Variants in TBCEL observed in about 807,000 individuals in gnomAD.
The protein encoded by TBCEL is tubulin folding cofactor E like, also known as tubulin-specific chaperone cofactor E-like protein.
In TBCEL, 15 loss-of-function variants were observed where a neutral mutation model predicts 44.2. The observed-to-expected ratio is 0.34, with a 90% CI of 0.23 to 0.52. The LOEUF is 0.52. Ranked by LOEUF, TBCEL falls within the 20% of genes least tolerant of loss-of-function variation. The probability of loss-of-function intolerance (pLI) is 0.95; values close to 1 mark genes in which losing one functional copy is unlikely to be tolerated. For missense variants in TBCEL, 319 were observed against 506.3 expected (o/e 0.63, Z 3.55); for synonymous variants, 171 against 185.4 (o/e 0.92, Z 0.63).
At chr11:121,068,052 A>T (rs1945853196) in intron 8 of TBCEL, among the ~76,000 whole-genome samples, 1 of 152,048 alleles carries the variant, frequency 6.6e-6, no homozygotes. Flanking sequence ...CATCCCCCAC[A>T]CACTTTTAGC....
rs150438218 is a variant in TBCEL, at chr11:121,048,389, T to TA, written c.273+723dup. Among the ~76,000 whole-genome samples, 1,325 of 152,042 alleles carry TA rather than the reference T, an allele frequency of 8.7e-3. 19 individuals carry two copies. Among genetic ancestry groups the TA allele is most frequent in the African/African-American group, 0.03 (1,246 of 41,520 alleles). Reference sequence around the variant, plus strand: ...CACATAGTTTGTAAAAGTACACAAATACAGTTTTGTAACATTCTCTTATTA... The same window carrying TA: ...CACATAGTTTGTAAAAGTACACAAATAACAGTTTTGTAACATTCTCTTATTA... On this transcript the variant is annotated intron_variant, in intron 4 of 8. Coordinates refer to ENST00000683345, the MANE Select transcript of TBCEL (RefSeq NM_001363644.2).
At chr11:121,054,833 C>CT in intron 5 of TBCEL, 1 of 389,638 alleles carries the variant, frequency 2.6e-6, no homozygotes. Flanking sequence ...TAATTTCGCA[C>CT]TACCTTATAT....
chr11:121,041,115 A>G (rs1945325043), intron 2 of TBCEL, among the ~76,000 whole-genome samples: 1 of 152,160 alleles, frequency 6.6e-6, no homozygotes, highest in South Asian at 2.1e-4. Flanking sequence ...TGACTTGCAT[A>G]CTTATTATAC....
At chr11:121,078,297 A>G (rs1946065610) in intron 8 of TBCEL, among the ~76,000 whole-genome samples, 1 of 152,026 alleles carries the variant, frequency 6.6e-6, no homozygotes, top group South Asian at 2.1e-4. Flanking sequence ...TTTTGTGTAC[A>G]TATCTGTTTT....
At chr11:121,032,619 G>A (rs902711577) in intron 1 of TBCEL, among the ~76,000 whole-genome samples, 6 of 152,098 alleles carry the variant, frequency 3.9e-5, no homozygotes, top group South Asian at 2.1e-4. Flanking sequence ...CAGCTTCCTC[G>A]TGCTTCATGC....
At chr11:121,039,483 A>G (rs545927562) in intron 2 of TBCEL, among the ~76,000 whole-genome samples, 14 of 152,336 alleles carry the variant, frequency 9.2e-5, no homozygotes, top group Middle Eastern at 3.4e-3. Flanking sequence ...AGTGCTTAGC[A>G]TAGTGTTTGG....
chr11:121,052,051 C>T (rs921639736), intron 4 of TBCEL, among the ~76,000 whole-genome samples: 2 of 151,814 alleles, frequency 1.3e-5, no homozygotes, highest in Admixed American at 6.6e-5. Context: ...ACCTATGAAG[C>T]TTCTGATTCA....
At chr11:121,041,249 A>G (rs1186481059) in intron 2 of TBCEL, among the ~76,000 whole-genome samples, 2 of 152,114 alleles carry the variant, frequency 1.3e-5, no homozygotes, top group African/African-American at 4.8e-5. Context: ...ATAAAGTACA[A>G]ATTGTTTGCG....
At chr11:121,053,361 G>A (rs1485846324) in intron 4 of TBCEL, among the ~76,000 whole-genome samples, 190 bp from the exon 5 acceptor site, 2 of 151,840 alleles carry the variant, frequency 1.3e-5, no homozygotes, top group Non-Finnish European at 2.9e-5. Flanking sequence ...TTCATTGAAA[G>A]ATTAAATTAT....
At chr11:121,031,344 A>G (rs1034599700) in intron 1 of TBCEL, among the ~76,000 whole-genome samples, 1 of 152,144 alleles carries the variant, frequency 6.6e-6, no homozygotes, top group Non-Finnish European at 1.5e-5. Context: ...ATTTTCTCCA[A>G]CACTTGGTAT....
chr11:121,053,525 T>C, intron 4 of TBCEL, 26 bp from the exon 5 acceptor site: 1 of 1,607,398 alleles, frequency 6.2e-7, no homozygotes, highest in East Asian at 2.2e-5. Context: ...TACTGCCTGA[T>C]AATGCTTTTC....
intron 8 of TBCEL, among the ~76,000 whole-genome samples, chr11:121,080,579 T>G (rs1371701196): frequency 6.6e-6 from 1 of 152,204 alleles, no homozygotes; most frequent in Non-Finnish European, 1.5e-5. Context: ...TTCCTAAAAA[T>G]TATGTAAAAT....
chr11:121,060,208 T>TA (rs1217632202), intron 8 of TBCEL, 123 bp downstream of exon 8: 104 of 655,418 alleles, frequency 1.6e-4, no homozygotes, highest in Middle Eastern at 2.5e-4. Context: ...GTTAATACGT[T>TA]AAAAAAAAGG....
At chr11:121,081,838 A>G (rs1946131760) in intron 8 of TBCEL, among the ~76,000 whole-genome samples, 1 of 152,176 alleles carries the variant, frequency 6.6e-6, no homozygotes, top group African/African-American at 2.4e-5. Context: ...ACATATATAT[A>G]TATGTATGTA....
At chr11:121,033,217 CT>C (rs1488809274) in intron 1 of TBCEL, among the ~76,000 whole-genome samples, 3 of 152,060 alleles carry the variant, frequency 2.0e-5, no homozygotes, top group East Asian at 1.9e-4. Flanking sequence ...AGAATTGCAA[CT>C]CTTAAAATGT....
intron 8 of TBCEL, among the ~76,000 whole-genome samples, chr11:121,064,049 T>G (rs1191347881): frequency 6.6e-6 from 1 of 152,222 alleles, no homozygotes; most frequent in African/African-American, 2.4e-5. Context: ...TGATTTTTCC[T>G]AGTAATTTGT....
In TBCEL at chr11:121,046,106, C is replaced by T. The variant is rs531012493; in HGVS notation, c.133+283C>T. 7.2e-5 allele frequency among the ~76,000 whole-genome samples: 11 copies of T among 152,166 alleles called. No individual in the cohort carries two copies. The South Asian group carries it at 2.3e-3, about 32-fold the overall frequency. ...GGAACATAGAGGGTACAAAACAGTA[C>T]AGGACTGGCCTGTGCCCTCCAGGAC... On this transcript the variant is annotated intron_variant, in intron 3 of 8. Coordinates refer to ENST00000683345, the MANE Select transcript of TBCEL (RefSeq NM_001363644.2).
chr11:121,043,878 C>T (rs764498438), intron 2 of TBCEL, among the ~76,000 whole-genome samples: 28 of 152,008 alleles, frequency 1.8e-4, no homozygotes, highest in African/African-American at 2.7e-4. Flanking sequence ...TCATCTTTAG[C>T]TCATTTTTCT....
At chr11:121,070,924 A>G (rs764593126) in intron 8 of TBCEL, among the ~76,000 whole-genome samples, 60 of 151,998 alleles carry the variant, frequency 3.9e-4, no homozygotes, top group Non-Finnish European at 5.9e-4. Flanking sequence ...GAGATTGCTT[A>G]TGTCTTTTTA....
Sources: gnomAD v4.1 joint callset for allele counts (sites outside exome capture counted in the v4.1 genomes callset) on GRCh38, gnomAD v4.1.1 for gene constraint, MANE v1.5 for transcripts, NCBI Gene and HGNC (gene_info 2026-07-23, HGNC 2026-07-21) for gene names.